Variants in FOXO1 observed in about 807,000 individuals in gnomAD.
FOXO1 encodes the protein forkhead box O1, also known as forkhead box protein O1.
A neutral mutation model predicts 44.1 loss-of-function variants in FOXO1; 6 were observed. That is an observed-to-expected ratio of 0.14 (90% CI 0.07 to 0.27). The LOEUF (loss-of-function observed/expected upper bound fraction) is 0.27. Ranked by LOEUF, FOXO1 falls within the 10% of genes least tolerant of loss-of-function variation. FOXO1 has a pLI of 1.00. For synonymous variants in FOXO1, 380 were observed against 362.7 expected, an observed-to-expected ratio of 1.05 and a Z score of -0.54; for missense variants, 737 against 888.8, an observed-to-expected ratio of 0.83 and a Z score of 2.17.
chr13:40,591,010 G>C (rs374796614), intron 1 of FOXO1, among the ~76,000 whole-genome samples: 16 of 152,280 alleles, frequency 1.1e-4, no homozygotes, highest in East Asian at 7.7e-4. Flanking sequence ...GGTTCTGGAA[G>C]GCCTCTCGGA....
chr13:40,609,004 A>G (rs1302314184), intron 1 of FOXO1, among the ~76,000 whole-genome samples: 1 of 152,230 alleles, frequency 6.6e-6, no homozygotes, highest in African/African-American at 2.4e-5. Flanking sequence ...ATGTTAAAAT[A>G]CAATGACTTT....
intron 1 of FOXO1, among the ~76,000 whole-genome samples, chr13:40,642,066 G>A (rs1424046164): frequency 1.3e-5 from 2 of 152,216 alleles, no homozygotes; most frequent in East Asian, 3.9e-4. Context: ...ACTCAACTTC[G>A]TGTCTCAGTT....
chr13:40,631,493 C>T (rs1372213987), intron 1 of FOXO1, among the ~76,000 whole-genome samples: 8 of 152,092 alleles, frequency 5.3e-5, no homozygotes, highest in Non-Finnish European at 7.4e-5. Context: ...ATTTTTGCTT[C>T]AAAGGACACC....
Position 40,560,030 on chromosome 13 carries a change from G to A in FOXO1, c.1461C>T (p.Pro487=). ...MTPVDPGVAQ[P]NSRVLGQNVM... ...CGTTCTGGCCCAGAACCCGGCTGTT[G>A]GGCTGGGCTACCCCAGGATCAACTG... Residue 487 remains proline (P), a synonymous_variant, in exon 2 of 3, where the codon CCC becomes CCT. Coordinates refer to ENST00000379561, the MANE Select transcript of FOXO1 (RefSeq NM_002015.4). This position sits in a 1 kb window ranked among gnomAD's most constrained non-coding sequence, Gnocchi z 5.1. The A allele has an allele frequency of 6.2e-7, 1 of 1,614,132 alleles. No individual in the cohort carries two copies. Among genetic ancestry groups the A allele is most frequent in the Non-Finnish European group, 8.5e-7 (1 of 1,180,038 alleles).
intron 1 of FOXO1, among the ~76,000 whole-genome samples, chr13:40,605,833 A>T (rs146915830): frequency 3.3e-4 from 51 of 152,282 alleles, no homozygotes; most frequent in Non-Finnish European, 5.7e-4. Flanking sequence ...AAAGAAGGCC[A>T]CAAATTATAC....
chr13:40,651,094 T>TG (rs1877670389), intron 1 of FOXO1, among the ~76,000 whole-genome samples: 1 of 119,202 alleles, frequency 8.4e-6, no homozygotes, highest in African/African-American at 3.8e-5. Context: ...GTTTTTTGTT[T>TG]TTTGTTTTTT....
At chr13:40,663,526 GA>G (rs1201734433) in intron 1 of FOXO1, among the ~76,000 whole-genome samples, 1 of 152,078 alleles carries the variant, frequency 6.6e-6, no homozygotes. Context: ...AAGGGGGGAG[GA>G]TTTTTTTTTT....
chr13:40,625,810 T>C lies in FOXO1; in HGVS notation c.630+39773A>G, dbSNP rs1876768475. 3.3e-5 allele frequency among the ~76,000 whole-genome samples: 5 copies of C among 152,182 alleles called. No homozygotes were observed. In the South Asian group the frequency reaches 1.0e-3, roughly 31 times the overall value. ...ATAGGTAATGACTTTCCTCTTACCA[T>C]GTGAAAGCAGGCCTTGGCACACACA... On this transcript the variant is annotated intron_variant, in intron 1 of 2. Coordinates refer to ENST00000379561, the MANE Select transcript of FOXO1 (RefSeq NM_002015.4).
Position 40,648,076 on chromosome 13 carries a change from AT to A in FOXO1, c.630+17506del, listed in dbSNP as rs558878972. Among the ~76,000 whole-genome samples the A allele has an allele frequency of 6.3e-3, 951 of 150,706 alleles. 9 individuals carry two copies. Among genetic ancestry groups the A allele is most frequent in the Middle Eastern group, 0.031 (9 of 288 alleles). On this transcript the variant is annotated intron_variant, in intron 1 of 2. Coordinates refer to ENST00000379561, the MANE Select transcript of FOXO1 (RefSeq NM_002015.4). ...AGTCACCAGTGCATAAGAAAATACA[AT>A]TTTTTTTTTATCTTGTTAGTCTGCC...
At chr13:40,655,780 C>T (rs111858577) in intron 1 of FOXO1, among the ~76,000 whole-genome samples, 68 of 151,620 alleles carry the variant, frequency 4.5e-4, no homozygotes, top group African/African-American at 1.5e-3. Flanking sequence ...GTAGCAGGGA[C>T]CACAGGCATG....
At position 40,558,927 on chromosome 13, in the gene FOXO1, GT is replaced by G. The variant is rs200144910; in HGVS notation, c.*121del. ...GGAAAAAAGGAGGGTTTTTTTTTTT[GT>G]TTTTTTTTTTAACCAAGAAAACTAA... On this transcript the variant is annotated 3_prime_UTR_variant, in exon 3 of 3. Transcript: ENST00000379561. The G allele has an allele frequency of 5.3e-4, 189 of 353,942 alleles. No individual in the cohort carries two copies. Among genetic ancestry groups the G allele is most frequent in the Middle Eastern group, 1.4e-3 (2 of 1,386 alleles). 21.9% of individuals were successfully genotyped at this position (353,942 alleles called of 1,614,324 possible).
At chr13:40,616,868 A>T (rs147137693) in intron 1 of FOXO1, among the ~76,000 whole-genome samples, 14 of 152,270 alleles carry the variant, frequency 9.2e-5, no homozygotes, top group African/African-American at 1.9e-4. Flanking sequence ...TGGAGAAAGG[A>T]GCAAGGAACC....
chr13:40,568,665 C>T (rs1874362997), intron 1 of FOXO1, among the ~76,000 whole-genome samples: 2 of 152,174 alleles, frequency 1.3e-5, no homozygotes, highest in Admixed American at 1.3e-4. Flanking sequence ...TACATGCTTA[C>T]ACCCTAGATC....
chr13:40,569,296 T>C (rs1874394141), intron 1 of FOXO1, among the ~76,000 whole-genome samples: 1 of 152,210 alleles, frequency 6.6e-6, no homozygotes, highest in Non-Finnish European at 1.5e-5. Context: ...TGCTGGGCCC[T>C]TCTGAGTAGG....
intron 1 of FOXO1, chr13:40,619,972 T>A: frequency 1.5e-6 from 1 of 687,908 alleles, no homozygotes; most frequent in Non-Finnish European, 2.7e-6. Context: ...TAGCCGAAGC[T>A]GTTCACCAAT....
intron 1 of FOXO1, chr13:40,619,355 A>G (rs555358297): frequency 1.3e-4 from 77 of 603,046 alleles, no homozygotes; most frequent in Admixed American, 3.2e-4. Context: ...GTCCCCAGAG[A>G]AAGTTCAAAT....
At position 40,559,567 on chromosome 13, in the gene FOXO1, G is replaced by A. The variant is rs752897790; in HGVS notation, c.1924C>T (p.Pro642Ser). Residue 642 changes from proline (P) to serine (S), a missense_variant, in exon 2 of 3, where the codon CCA (proline) becomes TCA (serine). Physicochemically the swap from Pro to Ser is moderately conservative, Grantham distance 74. This residue lies in a region of FOXO1 where 45 missense variants were observed against 78.3 expected (regional missense o/e 0.57). Transcript: ENST00000379561. ...TGTGTCGTTGTCTTGACACTGTGTG[G>A]GAAGCTTTGGTTGGGCAACACATTG... ...FDNVLPNQSF[P>S]HSVKTTTHSW... 6 of 1,611,896 alleles carry A rather than the reference G, an allele frequency of 3.7e-6. No homozygotes were observed. The East Asian group carries it at 1.3e-4, about 36-fold the overall frequency.
chr13:40,618,937 G>T, intron 1 of FOXO1: 1 of 526,216 alleles, frequency 1.9e-6, no homozygotes, highest in South Asian at 1.4e-5. Flanking sequence ...CAGAAGAACT[G>T]CAACAGTGGT....
chr13:40,576,868 A>G (rs1874766467), intron 1 of FOXO1, among the ~76,000 whole-genome samples: 1 of 152,258 alleles, frequency 6.6e-6, no homozygotes, highest in Non-Finnish European at 1.5e-5. Flanking sequence ...AAGATTTGGC[A>G]TAAAAATTTG....
Sources: gnomAD v4.1 joint callset for allele counts (sites outside exome capture counted in the v4.1 genomes callset) on GRCh38, gnomAD v4.1.1 for gene constraint, gnomAD v4.1.1 regional missense constraint, Gnocchi (gnomAD v3.1) non-coding constraint, MANE v1.5 for transcripts, NCBI Gene and HGNC (gene_info 2026-07-23, HGNC 2026-07-21) for gene names.